The following AOPEP variants were observed in gnomAD, a reference collection of about 807,000 sequenced individuals.
AOPEP encodes the protein aminopeptidase O (putative), also known as aminopeptidase O.
A neutral mutation model predicts 98.1 loss-of-function variants in AOPEP; 77 were observed. The ratio of observed to expected loss-of-function variants is 0.78; its 90% CI spans 0.65 to 0.95. The LOEUF is 0.95. AOPEP is among the 40% of genes least tolerant of loss of function. The pLI is 0.00. For missense variants in AOPEP, 1,024 were observed against 1,024.7 expected, an observed-to-expected ratio of 1.00 and a Z score of 0.01; for synonymous variants, 346 against 365.3, an observed-to-expected ratio of 0.95 and a Z score of 0.60.
At chr9:94,837,202 T>C (rs2041712625) in intron 5 of AOPEP, among the ~76,000 whole-genome samples, 1 of 152,024 alleles carries the variant, frequency 6.6e-6, no homozygotes, top group Non-Finnish European at 1.5e-5. Context: ...CTAGCTTCAA[T>C]CAGGAAGAAT....
intron 13 of AOPEP, chr9:95,019,758 T>C (rs2063310738): frequency 6.6e-6 from 1 of 152,260 alleles, no homozygotes; most frequent in Non-Finnish European, 1.5e-5. Flanking sequence ...GGTACCATGG[T>C]GCTGCACAGA....
chr9:94,732,141 A>G (rs967459696), intron 1 of AOPEP, among the ~76,000 whole-genome samples: 13 of 152,046 alleles, frequency 8.6e-5, no homozygotes, highest in Admixed American at 7.9e-4. Flanking sequence ...CATATGTACA[A>G]TGTTAATTGG....
the AOPEP span, among the ~76,000 whole-genome samples, chr9:95,128,846 C>A: frequency 6.6e-6 from 1 of 152,154 alleles, no homozygotes; most frequent in Non-Finnish European, 1.5e-5. Context: ...AGGTAAGAGG[C>A]CAGGAGGCAG....
In AOPEP at chr9:95,006,210, ATAAGG is replaced by A. The variant is rs752080885; in HGVS notation, c.2115+599_2115+603del. 36 of 400,558 alleles carry A rather than the reference ATAAGG, an allele frequency of 9.0e-5. No homozygotes were observed. The Middle Eastern group carries it at 1.9e-3, about 21-fold the overall frequency. 24.8% of individuals were successfully genotyped at this position (400,558 alleles called of 1,614,324 possible). The stretch of plus-strand genomic sequence containing the variant: ...TGATTTGTCATTGTAATATCATGAA[ATAAGG>A]TAAGTAGCCCGTTGTTTTCTAAGTG... On this transcript the variant is annotated intron_variant, in intron 13 of 16. Coordinates refer to ENST00000375315, the MANE Select transcript of AOPEP (RefSeq NM_001193329.3).
intron 11 of AOPEP, among the ~76,000 whole-genome samples, chr9:94,995,985 A>G (rs1271561735): frequency 6.6e-6 from 1 of 152,176 alleles, no homozygotes; most frequent in Non-Finnish European, 1.5e-5. Context: ...TGCTGGATCA[A>G]GTTCACATTC....
At chr9:95,032,884 G>A (rs894916640) in intron 13 of AOPEP, among the ~76,000 whole-genome samples, 1 of 152,186 alleles carries the variant, frequency 6.6e-6, no homozygotes, top group South Asian at 2.1e-4. Flanking sequence ...ACCAGGCTAT[G>A]TGATGGGCAT....
chr9:94,736,670 C>T (rs922634825), intron 1 of AOPEP, among the ~76,000 whole-genome samples: 1 of 152,030 alleles, frequency 6.6e-6, no homozygotes, highest in African/African-American at 2.4e-5. Context: ...AATATTTAAC[C>T]AATTCTTTTT....
At chr9:95,045,748 A>G (rs769077972) in intron 13 of AOPEP, among the ~76,000 whole-genome samples, 1 of 152,140 alleles carries the variant, frequency 6.6e-6, no homozygotes, top group Non-Finnish European at 1.5e-5. Context: ...TTAAGCCTTC[A>G]CAGAGGTGCT....
intron 9 of AOPEP, among the ~76,000 whole-genome samples, chr9:94,962,267 A>G (rs1443765707): frequency 6.6e-6 from 1 of 152,128 alleles, no homozygotes; most frequent in African/African-American, 2.4e-5. Context: ...TCAGTTGTTT[A>G]TTTCCCACGT....
At chr9:95,136,256 G>C in the AOPEP span, among the ~76,000 whole-genome samples, 1 of 151,824 alleles carries the variant, frequency 6.6e-6, no homozygotes, top group Non-Finnish European at 1.5e-5. Flanking sequence ...AAATTAGCCT[G>C]GCATGGTGAT....
At chr9:94,744,564 G>A (rs1057495848) in intron 1 of AOPEP, among the ~76,000 whole-genome samples, 9 of 151,850 alleles carry the variant, frequency 5.9e-5, no homozygotes, top group South Asian at 2.1e-4. Context: ...AGCTGGGCAT[G>A]GTAGTGCATG....
At chr9:94,948,908 G>A (rs1000439080) in intron 7 of AOPEP, among the ~76,000 whole-genome samples, 2 of 152,178 alleles carry the variant, frequency 1.3e-5, no homozygotes, top group Admixed American at 1.3e-4. Flanking sequence ...CCATCCTGAA[G>A]TTTTGCCTTC....
intron 1 of AOPEP, among the ~76,000 whole-genome samples, chr9:94,752,877 G>A (rs1183741748): frequency 6.6e-6 from 1 of 152,210 alleles, no homozygotes; most frequent in Non-Finnish European, 1.5e-5. Flanking sequence ...GGCTCGGTCA[G>A]AAAAGGCCAT....
chr9:95,103,338 G>C, the AOPEP span, among the ~76,000 whole-genome samples: 1 of 152,228 alleles, frequency 6.6e-6, no homozygotes, highest in South Asian at 2.1e-4. Context: ...CTGCCTCCCT[G>C]CTGGCCTTGG....
chr9:94,743,184 A>G (rs200693012), intron 1 of AOPEP, among the ~76,000 whole-genome samples: 5 of 66,788 alleles, frequency 7.5e-5, no homozygotes, highest in Non-Finnish European at 1.3e-4. Flanking sequence ...AAGAAGAAGA[A>G]GAAGAAGAAG....
chr9:94,957,001 G>A (rs776154964), intron 9 of AOPEP, among the ~76,000 whole-genome samples: 4 of 152,086 alleles, frequency 2.6e-5, no homozygotes, highest in African/African-American at 4.8e-5. Flanking sequence ...AAAGCAATTC[G>A]AAAACTGGTT....
At chr9:95,121,293 T>C in the AOPEP span, among the ~76,000 whole-genome samples, 3 of 152,090 alleles carry the variant, frequency 2.0e-5, no homozygotes, top group Admixed American at 6.6e-5. Flanking sequence ...ATAGGGCATA[T>C]TGATGGAGCT....
chr9:94,736,196 G>T (rs1489570773), intron 1 of AOPEP, among the ~76,000 whole-genome samples: 1 of 152,148 alleles, frequency 6.6e-6, no homozygotes, highest in Non-Finnish European at 1.5e-5. Context: ...TATAGGAAGT[G>T]GGGACTGGAT....
At chr9:94,913,984 G>T (rs573120368) in intron 5 of AOPEP, among the ~76,000 whole-genome samples, 1 of 152,286 alleles carries the variant, frequency 6.6e-6, no homozygotes, top group Non-Finnish European at 1.5e-5. Context: ...TTGTGTCTTT[G>T]CCCTTTGCAT....
Sources: allele counts gnomAD v4.1 joint callset (sites outside exome capture counted in the v4.1 genomes callset), GRCh38; gene constraint gnomAD v4.1.1; transcripts MANE v1.5; gene names NCBI Gene and HGNC (gene_info 2026-07-23, HGNC 2026-07-21).